The following ANKRD45 variants were observed in gnomAD, a reference collection of about 807,000 sequenced individuals.
ANKRD45 encodes the protein ankyrin repeat domain 45.
In ANKRD45, 21 loss-of-function variants were observed where a neutral mutation model predicts 28.1. That is an observed-to-expected ratio of 0.75 (90% confidence interval 0.53 to 1.08). The LOEUF (loss-of-function observed/expected upper bound fraction) is 1.08, where lower values mean the gene tolerates loss of function less well. ANKRD45 is among the 50% of genes least tolerant of loss of function. The pLI is 0.00. For missense variants in ANKRD45, 261 were observed against 308.7 expected (o/e 0.85, Z 1.16); for synonymous variants, 86 against 103.9 (o/e 0.83, Z 1.05).
At chr1:173,654,401 C>T (rs896796309) in intron 2 of ANKRD45, among the ~76,000 whole-genome samples, 2 of 152,186 alleles carry the variant, frequency 1.3e-5, no homozygotes, top group Non-Finnish European at 2.9e-5. Flanking sequence ...AAATTCTTTT[C>T]TTTAAGAATG....
chr1:173,659,180 A>C lies in ANKRD45; in HGVS notation c.239T>G (p.Leu80Trp). 6.2e-7 allele frequency: 1 copy of C among 1,614,114 alleles called. No individual in the cohort carries two copies. The highest frequency in any genetic ancestry group is 1.3e-5 in the African/African-American group (1 of 75,028). Residue 80 changes from leucine (L) to tryptophan (W), a missense_variant, in exon 2 of 6, where the codon TTG becomes TGG. Transcript: ENST00000333279. The part of the protein sequence containing the change: ...LLEEDIVGRN[L>W]LYAACMAGQS... ...CCCAGCCATGCAAGCTGCATACAAC[A>C]AATTTCTCCCAACGATGTCTTCTTC...
intron 3 of ANKRD45, among the ~76,000 whole-genome samples, chr1:173,643,763 A>G (rs1668804567): frequency 1.3e-5 from 2 of 152,194 alleles, no homozygotes; most frequent in Non-Finnish European, 2.9e-5. Flanking sequence ...GAAAAAATAT[A>G]TCTATAACAT....
intron 4 of ANKRD45, among the ~76,000 whole-genome samples, chr1:173,626,083 C>T (rs1667922806): frequency 1.3e-5 from 2 of 152,102 alleles, no homozygotes; most frequent in Non-Finnish European, 2.9e-5. Context: ...ATTTTGCCTA[C>T]ATTTTGTTTG....
chr1:173,706,583 C>T, the ANKRD45 span, among the ~76,000 whole-genome samples: 1 of 151,990 alleles, frequency 6.6e-6, no homozygotes, highest in Non-Finnish European at 1.5e-5. Flanking sequence ...AGGTGATCTG[C>T]CCACCTCGGC....
At chr1:173,698,922 T>G in the ANKRD45 span, among the ~76,000 whole-genome samples, 1 of 149,456 alleles carries the variant, frequency 6.7e-6, no homozygotes, top group African/African-American at 2.5e-5. Context: ...GATAGAGTGA[T>G]AGCAAGACTA....
chr1:173,670,251 A>G (rs1670210112), upstream of ANKRD45, among the ~76,000 whole-genome samples: 1 of 152,132 alleles, frequency 6.6e-6, no homozygotes, highest in South Asian at 2.1e-4. Context: ...CGACCTCACA[A>G]GTGCCAACTA....
chr1:173,649,312 A>G (rs1669074989), intron 2 of ANKRD45, among the ~76,000 whole-genome samples: 1 of 152,186 alleles, frequency 6.6e-6, no homozygotes, highest in African/African-American at 2.4e-5. Context: ...GGATTATACC[A>G]ATTTATACTC....
chr1:173,697,211 G>A, the ANKRD45 span, among the ~76,000 whole-genome samples: 1 of 152,212 alleles, frequency 6.6e-6, no homozygotes, highest in Admixed American at 6.5e-5. Context: ...GAAAGTGACA[G>A]GAGAATGGAA....
the ANKRD45 span, among the ~76,000 whole-genome samples, chr1:173,712,501 A>G: frequency 2.0e-5 from 3 of 152,258 alleles, no homozygotes; most frequent in South Asian, 4.1e-4. Context: ...AACATGCTAC[A>G]TAAGTATTTG....
chr1:173,689,219 A>G, the ANKRD45 span, among the ~76,000 whole-genome samples: 2 of 151,762 alleles, frequency 1.3e-5, no homozygotes, highest in Non-Finnish European at 2.9e-5. Context: ...CCTCCCTCTT[A>G]GTTCTGGGAT....
chr1:173,702,323 G>C, the ANKRD45 span, among the ~76,000 whole-genome samples: 5 of 152,154 alleles, frequency 3.3e-5, no homozygotes, highest in African/African-American at 1.2e-4. Context: ...TGTACCTCCA[G>C]CCAACATATA....
intron 1 of ANKRD45, among the ~76,000 whole-genome samples, chr1:173,663,890 T>C (rs963083883): frequency 6.6e-5 from 10 of 152,226 alleles, no homozygotes; most frequent in Non-Finnish European, 2.9e-5. Flanking sequence ...TCAGTAACAA[T>C]GGACAATTTT....
At chr1:173,626,937 AGG>A in intron 4 of ANKRD45, 126 bp downstream of exon 4, 1 of 611,690 alleles carries the variant, frequency 1.6e-6, no homozygotes, top group Non-Finnish European at 2.9e-6. Context: ...GGAGGGAAGA[AGG>A]AAAGAAAGAG....
rs537082918 is a variant in ANKRD45 at position 173,635,739 on chromosome 1, A to G, written c.497-8580T>C. ...GACTTTGCTAACATGGATATATTTC[A>G]GGGTTGTTTATATCTCATTTATAAT... On this transcript the variant is annotated intron_variant, in intron 3 of 5. Coordinates refer to ENST00000333279, the MANE Select transcript of ANKRD45 (RefSeq NM_198493.3). 6 of 1,535,558 alleles carry G rather than the reference A, an allele frequency of 3.9e-6. No homozygotes were observed. The East Asian group carries it at 1.5e-4, about 38-fold the overall frequency.
At chr1:173,630,524 T>C (rs1209070389) in intron 3 of ANKRD45, among the ~76,000 whole-genome samples, 2 of 151,992 alleles carry the variant, frequency 1.3e-5, no homozygotes, top group Non-Finnish European at 2.9e-5. Flanking sequence ...AAGATACTAT[T>C]TGAAAGTCTC....
chr1:173,688,988 G>A, the ANKRD45 span, among the ~76,000 whole-genome samples: 9 of 152,246 alleles, frequency 5.9e-5, no homozygotes, highest in South Asian at 4.1e-4. Flanking sequence ...AGCAAGCAGC[G>A]CCTGAATCGA....
At chr1:173,656,072 T>C (rs1669495570) in intron 2 of ANKRD45, among the ~76,000 whole-genome samples, 1 of 152,234 alleles carries the variant, frequency 6.6e-6, no homozygotes, top group South Asian at 2.1e-4. Flanking sequence ...TGTGAGGCGA[T>C]GCCCTGCCCT....
intron 1 of ANKRD45, among the ~76,000 whole-genome samples, chr1:173,664,272 C>G (rs1354909564): frequency 6.6e-6 from 1 of 152,206 alleles, no homozygotes; most frequent in African/African-American, 2.4e-5. Flanking sequence ...TCTACTTTCA[C>G]TCTCAAAAGT....
At chr1:173,643,939 G>A (rs867833001) in intron 3 of ANKRD45, among the ~76,000 whole-genome samples, 7 of 152,170 alleles carry the variant, frequency 4.6e-5, no homozygotes, top group South Asian at 4.2e-4. Flanking sequence ...CTTTACCTCC[G>A]TTCCTCCTTA....
Sources: gnomAD v4.1 joint callset for allele counts (sites outside exome capture counted in the v4.1 genomes callset) on GRCh38, gnomAD v4.1.1 for gene constraint, MANE v1.5 for transcripts, NCBI Gene and HGNC (gene_info 2026-07-23, HGNC 2026-07-21) for gene names.